DENND4C: variants seen among roughly 807,000 people sequenced by gnomAD.
The protein encoded by DENND4C is DENN domain-containing protein 4C.
In DENND4C, 108 loss-of-function variants were observed where a neutral mutation model predicts 203.0. The ratio of observed to expected loss-of-function variants is 0.53; its 90% confidence interval spans 0.46 to 0.62. The LOEUF is 0.62. Ranked by LOEUF, DENND4C falls within the 20% of genes least tolerant of loss-of-function variation. The pLI, the probability that DENND4C is intolerant of heterozygous loss-of-function variation, is 0.00. For synonymous variants in DENND4C, 871 were observed against 792.4 expected (o/e 1.10, Z -1.67); for missense variants, 2,481 against 2,301.2 (o/e 1.08, Z -1.60).
At chr9:19,295,522 A>G (rs999851275) in intron 5 of DENND4C, among the ~76,000 whole-genome samples, 2 of 151,902 alleles carry the variant, frequency 1.3e-5, no homozygotes, top group African/African-American at 4.8e-5. Context: ...AAGGAAAAAA[A>G]AAATTAGCCA....
rs893576398 is a variant in DENND4C, at chr9:19,352,289, A to G, written c.4605+107A>G. On this transcript the variant is annotated intron_variant, in intron 25 of 32. Transcript: ENST00000434457. ...ATACCCTTGTGGACAGTATAATAAA[A>G]TAAGTCATTTTGTTGAATTTGCTTG... is the stretch of plus-strand genomic sequence containing the variant. 5 of 1,154,762 alleles carry G rather than the reference A, an allele frequency of 4.3e-6. No individual in the cohort carries two copies. The African/African-American group carries it at 4.7e-5, about 11-fold the overall frequency. 71.5% of individuals were successfully genotyped at this position (1,154,762 alleles called of 1,614,324 possible).
In DENND4C at chr9:19,350,582, T is replaced by C. The variant is rs559186972; in HGVS notation, c.4318-120T>C. On this transcript the variant is annotated intron_variant, in intron 23 of 32. Transcript: ENST00000434457. The stretch of plus-strand genomic sequence containing the variant: ...GAGGAGATTTCATGGTTTTGAAAAA[T>C]GTGGGGATGATGATTTGTTTAAGGA... 8.3e-5 allele frequency: 65 copies of C among 780,898 alleles called. No individual in the cohort carries two copies. The African/African-American group carries it at 1.0e-3, about 12-fold the overall frequency. The allele number at this position is 780,898 out of a possible 1,614,324, so 48.4% of individuals were successfully genotyped here.
chr9:19,283,712 C>T (rs998101344), intron 2 of DENND4C, among the ~76,000 whole-genome samples: 5 of 151,256 alleles, frequency 3.3e-5, no homozygotes, highest in African/African-American at 1.2e-4. Flanking sequence ...CCCTCACCCC[C>T]ACCCCCGCCA....
At chr9:19,300,599 A>G (rs1838358493) in intron 9 of DENND4C, among the ~76,000 whole-genome samples, 1 of 152,206 alleles carries the variant, frequency 6.6e-6, no homozygotes, top group African/African-American at 2.4e-5. Context: ...TAAAAACTAT[A>G]TGATTATATA....
At chr9:19,366,577 C>T (rs948198533) in intron 30 of DENND4C, among the ~76,000 whole-genome samples, 4 of 151,276 alleles carry the variant, frequency 2.6e-5, no homozygotes, top group Non-Finnish European at 4.4e-5. Flanking sequence ...GCACTCCAGC[C>T]TGGGCAACAG....
chr9:19,359,824 A>C (rs900295235), intron 28 of DENND4C, among the ~76,000 whole-genome samples: 2 of 152,206 alleles, frequency 1.3e-5, no homozygotes, highest in Non-Finnish European at 2.9e-5. Context: ...CAGTTGTAAA[A>C]GTGAGTTAAG....
intron 1 of DENND4C, among the ~76,000 whole-genome samples, chr9:19,246,390 C>T (rs532538682): frequency 6.6e-6 from 1 of 152,110 alleles, no homozygotes; most frequent in South Asian, 2.1e-4. Context: ...GCTAAGAAGA[C>T]TATGTAATCT....
intron 6 of DENND4C, 27 bp from the exon 7 acceptor site, chr9:19,298,024 TTATTA>T (rs773112571): frequency 2.0e-6 from 3 of 1,505,200 alleles, no homozygotes; most frequent in Non-Finnish European, 2.7e-6. Context: ...AGAAAAGTAA[TTATTA>T]TATTTATTTC....
Position 19,336,345 on chromosome 9 carries a change from C to G in DENND4C, c.2665C>G (p.Arg889Gly). ...ATGGACGAAGGTACGGAATGTGGTA[C>G]GTGGCTTGGCACAGTTTAGGCAGCC... ...FLWTKVRNVV[R>G]GLAQFRQPLK... Residue 889 changes from arginine to glycine, a missense_variant, in exon 19 of 33, where the codon CGT becomes GGT. By Grantham distance (125) the Arg-to-Gly change is moderately radical. This residue lies in a region of DENND4C where 2,289 missense variants were observed against 2,113.3 expected (regional missense o/e 1.08). Coordinates refer to ENST00000434457, the MANE Select transcript of DENND4C (RefSeq NM_001330640.2). The G allele has an allele frequency of 3.1e-6, 5 of 1,614,014 alleles. No individual in the cohort carries two copies. The highest frequency in any genetic ancestry group is 4.2e-6 in the Non-Finnish European group (5 of 1,179,980).
intron 26 of DENND4C, 140 bp downstream of exon 26, chr9:19,352,805 T>C: frequency 1.8e-6 from 1 of 556,966 alleles, no homozygotes; most frequent in South Asian, 4.2e-5. Flanking sequence ...TAGCAAATAC[T>C]AGTAATGTGG....
At chr9:19,356,797 GA>G (rs1200494946) in intron 26 of DENND4C, among the ~76,000 whole-genome samples, 174 bp from the exon 27 acceptor site, 2 of 151,314 alleles carry the variant, frequency 1.3e-5, no homozygotes, top group African/African-American at 2.4e-5. Context: ...GTGAGAGAGA[GA>G]GAGAGAGAGA....
At chr9:19,249,950 G>C (rs1432117433) in intron 1 of DENND4C, among the ~76,000 whole-genome samples, 2 of 152,142 alleles carry the variant, frequency 1.3e-5, no homozygotes, top group Non-Finnish European at 2.9e-5. Flanking sequence ...GAGCCACTGT[G>C]CCTAGCCAGG....
At chr9:19,246,564 G>T (rs928144862) in intron 1 of DENND4C, among the ~76,000 whole-genome samples, 1 of 151,924 alleles carries the variant, frequency 6.6e-6, no homozygotes, top group African/African-American at 2.4e-5. Context: ...TTTATTTATT[G>T]ATTTAAGTAT....
intron 10 of DENND4C, among the ~76,000 whole-genome samples, chr9:19,309,249 C>T (rs137986576): frequency 2.2e-4 from 34 of 152,030 alleles, no homozygotes; most frequent in African/African-American, 7.5e-4. Context: ...ATGGAGAAAC[C>T]CCATCTCTAC....
rs753970602 is a variant in DENND4C at position 19,360,471 on chromosome 9, T to C, written c.5388T>C (p.His1796=). Residue 1796 remains histidine, a synonymous_variant, in exon 29 of 33, where the codon CAT becomes CAC. Transcript: ENST00000434457. ...NLPGLILTSE[H]CNEGVQLPLS... ...CAGGACTTATCCTCACATCTGAACA[T>C]TGTAATGAAGGTGTACAGGTAGGGT... 32 of 1,613,994 alleles carry C rather than the reference T, an allele frequency of 2.0e-5. No homozygotes were observed. Among genetic ancestry groups the C allele is most frequent in the African/African-American group, 8.0e-5 (6 of 74,930 alleles).
At position 19,332,054 on chromosome 9, in the gene DENND4C, A is replaced by G. The variant is rs775248211; in HGVS notation, c.2330A>G (p.His777Arg). Residue 777 changes from histidine (H) to arginine (R), a missense_variant, in exon 17 of 33, where the codon CAT (histidine) becomes CGT (arginine). His to Arg is a conservative substitution (Grantham distance 29). This residue lies in a region of DENND4C where 2,289 missense variants were observed against 2,113.3 expected (regional missense o/e 1.08). Coordinates refer to ENST00000434457, the MANE Select transcript of DENND4C (RefSeq NM_001330640.2). ...CAGTGGGCCAAGTGTCTGTTTAGTC[A>G]TTGTTACAGTTTATGGTTTATTTGT... ...PPQWAKCLFS[H>R]CYSLWFICLP... 6.2e-7 allele frequency: 1 copy of G among 1,614,048 alleles called. No homozygotes were observed. The highest frequency in any genetic ancestry group is 8.5e-7 in the Non-Finnish European group (1 of 1,179,988).
intron 5 of DENND4C, among the ~76,000 whole-genome samples, chr9:19,294,451 G>T (rs1454904852): frequency 2.6e-5 from 4 of 152,192 alleles, no homozygotes; most frequent in Admixed American, 6.5e-5. Context: ...AAAGTCAAAT[G>T]CTGCTGCTGT....
intron 10 of DENND4C, among the ~76,000 whole-genome samples, chr9:19,307,813 C>T (rs1839994565): frequency 6.6e-6 from 1 of 151,076 alleles, no homozygotes; most frequent in Admixed American, 6.6e-5. Context: ...AATCTGAAAT[C>T]CCTAGATAGT....
At chr9:19,306,601 TCAGA>T in intron 10 of DENND4C, among the ~76,000 whole-genome samples, 1 of 152,092 alleles carries the variant, frequency 6.6e-6, no homozygotes. Context: ...AAGTTAATAC[TCAGA>T]TTTTTTACCT....
Sources: gnomAD v4.1 joint callset for allele counts (sites outside exome capture counted in the v4.1 genomes callset) on GRCh38, gnomAD v4.1.1 for gene constraint, gnomAD v4.1.1 regional missense constraint, MANE v1.5 for transcripts, NCBI Gene and HGNC (gene_info 2026-07-23, HGNC 2026-07-21) for gene names.